The following KLHL15 variants were observed in gnomAD, a reference collection of about 807,000 sequenced individuals.
KLHL15 encodes the protein kelch-like protein 15.
KLHL15 carries 1 observed loss-of-function variant against 29.3 expected under a neutral mutation model. The observed-to-expected ratio is 0.03, with a 90% CI of 0.01 to 0.16. KLHL15 has a LOEUF of 0.16. Among genes scored for constraint, KLHL15 ranks in the 10% least tolerant of loss-of-function variants. The probability of loss-of-function intolerance (pLI) is 1.00; values close to 1 mark genes in which losing one functional copy is unlikely to be tolerated. For missense variants in KLHL15, 215 were observed against 478.5 expected, an observed-to-expected ratio of 0.45 and a Z score of 5.14; for synonymous variants, 212 against 184.5, an observed-to-expected ratio of 1.15 and a Z score of -1.21.
intron 2 of KLHL15, among the ~76,000 whole-genome samples, chrX:24,009,647 C>A (rs1275389636): frequency 3.9e-5 from 4 of 102,278 alleles, no homozygotes; most frequent in African/African-American, 1.4e-4. Context: ...GACTGCACCA[C>A]TGCACTCCAG....
Position 23,984,077 on chromosome X carries a change from A to G in KLHL15, c.*3844T>C, listed in dbSNP as rs1259761967. ...TCACTGGACCATTCCTTCAGAAAGCAAACACCTAATCCTTACTATATACTG... is the reference window on the plus strand; with the variant it reads ...TCACTGGACCATTCCTTCAGAAAGCGAACACCTAATCCTTACTATATACTG... On this transcript the variant is annotated 3_prime_UTR_variant, in exon 4 of 4. Transcript: ENST00000328046. 8.9e-6 allele frequency: 1 copy of G among 111,949 alleles called. No homozygotes were observed. The highest frequency in any genetic ancestry group is 3.2e-5 in the African/African-American group (1 of 30,834). 9.2% of individuals were successfully genotyped at this position (111,949 alleles called of 1,213,427 possible).
chrX:24,025,274 G>A lies in KLHL15; in HGVS notation c.-209-216C>T, dbSNP rs557530606. On this transcript the variant is annotated intron_variant, in intron 1 of 3. Transcript: ENST00000328046. ...ACCAGCCGAGGAAGCGTCGAGGACGGCGTCTCTGGGCTTCTGCCCCGAAGC... is the reference window on the plus strand; with the variant it reads ...ACCAGCCGAGGAAGCGTCGAGGACGACGTCTCTGGGCTTCTGCCCCGAAGC... Among the ~76,000 whole-genome samples the A allele has an allele frequency of 8.2e-5, 9 of 110,066 alleles. No homozygotes were observed. In the South Asian group the frequency reaches 3.0e-3, roughly 37 times the overall value.
intron 2 of KLHL15, 48 bp downstream of exon 2, chrX:24,024,809 G>C: frequency 3.4e-6 from 1 of 297,525 alleles, no homozygotes; most frequent in African/African-American, 2.7e-5. Flanking sequence ...TCGGGGCCGC[G>C]GGCGAAGCCC....
At chrX:23,999,551 C>T (rs942798151) in intron 3 of KLHL15, among the ~76,000 whole-genome samples, 4 of 99,064 alleles carry the variant, frequency 4.0e-5, no homozygotes, top group African/African-American at 8.1e-5. Context: ...GCCGAGATAG[C>T]GCCACTGCAG....
chrX:24,020,508 TCCTCCAG>T (rs1394692561), intron 2 of KLHL15, among the ~76,000 whole-genome samples: 1 of 111,661 alleles, frequency 9.0e-6, no homozygotes, highest in Non-Finnish European at 1.9e-5. Flanking sequence ...GGGCCCTGGG[TCCTCCAG>T]CCTCCAGACT....
At position 24,024,957 on chromosome X, in the gene KLHL15, C is replaced by G; in HGVS notation, c.-108G>C. 1 of 298,023 alleles carries G rather than the reference C, an allele frequency of 3.4e-6. No individual in the cohort carries two copies. Among genetic ancestry groups the G allele is most frequent in the Non-Finnish European group, 5.9e-6 (1 of 170,218 alleles). 24.6% of individuals were successfully genotyped at this position (298,023 alleles called of 1,213,427 possible). ...GGCGGTCGGGCGCCGGGACGGCACTCGGCAGGCTCCTCGGACGTCTACGAG... is the reference window on the plus strand; with the variant it reads ...GGCGGTCGGGCGCCGGGACGGCACTGGGCAGGCTCCTCGGACGTCTACGAG... On this transcript the variant is annotated 5_prime_UTR_variant, in exon 2 of 4. Transcript: ENST00000328046.
rs1383931075 is a variant in KLHL15, at chrX:24,006,430, A to G, written c.264T>C (p.Phe88=). ...TCAGCTCTATAGTTCCATAGTACAT[A>G]AATTGCAGGACATGGCTGAAACCGG... ...TATGFSHVLQ[F]MYYGTIELSM... is the part of the protein sequence containing the mutation. Residue 88 remains phenylalanine, a synonymous_variant, in exon 3 of 4, where the codon TTT becomes TTC. Transcript: ENST00000328046. 5.0e-6 allele frequency: 6 copies of G among 1,209,826 alleles called. No homozygotes were observed. The highest frequency in any genetic ancestry group is 6.7e-6 in the Non-Finnish European group (6 of 895,052).
chrX:24,026,659 T>C (rs1272801396), intron 1 of KLHL15, among the ~76,000 whole-genome samples: 1 of 108,733 alleles, frequency 9.2e-6, no homozygotes, highest in Non-Finnish European at 1.9e-5. Context: ...ATTATCTCTT[T>C]CTAGCAAACT....
chrX:24,018,025 C>T (rs1481513110), intron 2 of KLHL15, among the ~76,000 whole-genome samples: 2 of 110,612 alleles, frequency 1.8e-5, no homozygotes, highest in African/African-American at 6.6e-5. Flanking sequence ...AAATCGCTTG[C>T]GGTGAGGATG....
intron 3 of KLHL15, among the ~76,000 whole-genome samples, chrX:23,995,099 T>C (rs188304200): frequency 8.9e-6 from 1 of 111,736 alleles, no homozygotes; most frequent in African/African-American, 3.3e-5. Flanking sequence ...TGTAAATATG[T>C]ATACACATAC....
At chrX:24,020,871 A>G (rs1602018834) in intron 2 of KLHL15, among the ~76,000 whole-genome samples, 1 of 111,763 alleles carries the variant, frequency 8.9e-6, no homozygotes, top group African/African-American at 3.2e-5. Flanking sequence ...ACCAAACTAA[A>G]TATTTTGGAA....
At chrX:24,005,560 T>C (rs1325811956) in intron 3 of KLHL15, among the ~76,000 whole-genome samples, 1 of 111,908 alleles carries the variant, frequency 8.9e-6, no homozygotes, top group Non-Finnish European at 1.9e-5. Context: ...TCTATTAATG[T>C]ATACCATGCA....
At chrX:24,008,617 C>G (rs750646479) in intron 2 of KLHL15, among the ~76,000 whole-genome samples, 1 of 110,624 alleles carries the variant, frequency 9.0e-6, no homozygotes, top group African/African-American at 3.3e-5. Context: ...GACCATCTAT[C>G]TTCTTAATTC....
chrX:24,004,945 T>C (rs966158952), intron 3 of KLHL15, among the ~76,000 whole-genome samples: 1 of 111,582 alleles, frequency 9.0e-6, no homozygotes, highest in African/African-American at 3.3e-5. Flanking sequence ...CAGGCTGCTG[T>C]TATTCAAAGG....
intron 2 of KLHL15, among the ~76,000 whole-genome samples, chrX:24,021,963 T>C (rs772551711): frequency 8.9e-6 from 1 of 111,821 alleles, no homozygotes; most frequent in Non-Finnish European, 1.9e-5. Context: ...ACATTTGCAC[T>C]GGGAAAGGCC....
At chrX:24,004,662 C>T (rs888945060) in intron 3 of KLHL15, among the ~76,000 whole-genome samples, 2 of 106,077 alleles carry the variant, frequency 1.9e-5, no homozygotes, top group Non-Finnish European at 3.9e-5. Context: ...CAGTGGCTGA[C>T]GCCTGTAATC....
At position 23,988,233 on chromosome X, in the gene KLHL15, C is replaced by T; in HGVS notation, c.1503G>A (p.Arg501=). Residue 501 remains arginine, a synonymous_variant, in exon 4 of 4, where the codon AGG becomes AGA. Coordinates refer to ENST00000328046, the MANE Select transcript of KLHL15 (RefSeq NM_030624.3). Reference sequence around the variant, plus strand: ...GGCATCCCTGAGATTCGAAAGAGGCCCTCAAGATCACACAGACACCACCGA... The same window carrying T: ...GGCATCCCTGAGATTCGAAAGAGGCTCTCAAGATCACACAGACACCACCGA... ...YVFGGVCVIL[R]ASFESQGCPS... is the part of the protein sequence containing the mutation. The T allele has an allele frequency of 5.0e-6, 6 of 1,211,124 alleles. No individual in the cohort carries two copies. The highest frequency in any genetic ancestry group is 5.6e-6 in the Non-Finnish European group (5 of 895,115).
intron 3 of KLHL15, among the ~76,000 whole-genome samples, chrX:23,991,543 CA>C (rs751257536): frequency 8.2e-5 from 9 of 109,691 alleles, no homozygotes; most frequent in Non-Finnish European, 1.5e-4. Context: ...AACAAACAAA[CA>C]AACAAACCAA....
rs1204094638 is a variant in KLHL15, at chrX:23,984,827, G to C, written c.*3094C>G. On this transcript the variant is annotated 3_prime_UTR_variant, in exon 4 of 4. Coordinates refer to ENST00000328046, the MANE Select transcript of KLHL15 (RefSeq NM_030624.3). ...GTGTCCTTTACTATGACTCGAGCAG[G>C]CTTCCCAGAATGAGGTGTCCAAAGG... 8.9e-6 allele frequency: 1 copy of C among 111,999 alleles called. No individual in the cohort carries two copies. Among genetic ancestry groups the C allele is most frequent in the African/African-American group, 3.2e-5 (1 of 30,905 alleles). The allele number at this position is 111,999 out of a possible 1,213,427, so 9.2% of individuals were successfully genotyped here. A position where few individuals can be genotyped will look rare whatever the true frequency, so the allele number is the denominator to read the frequency against.
Sources: allele counts gnomAD v4.1 joint callset (sites outside exome capture counted in the v4.1 genomes callset), GRCh38; gene constraint gnomAD v4.1.1; transcripts MANE v1.5; gene names NCBI Gene and HGNC (gene_info 2026-07-23, HGNC 2026-07-21).